Variants in INTS7 observed in about 807,000 individuals in gnomAD.
The protein encoded by INTS7 is chromosome 1 open reading frame 73.
Under a neutral mutation model 109.2 loss-of-function variants are expected in INTS7, and 46 were observed. The ratio of observed to expected loss-of-function variants is 0.42; its 90% CI spans 0.33 to 0.54. The LOEUF is 0.54. INTS7 is among the 20% of genes least tolerant of loss of function. INTS7 has a pLI of 0.07. For missense variants in INTS7, 929 were observed against 1,132.4 expected, an observed-to-expected ratio of 0.82 and a Z score of 2.58; for synonymous variants, 412 against 402.9, an observed-to-expected ratio of 1.02 and a Z score of -0.27.
intron 5 of INTS7, 136 bp from the exon 6 acceptor site, chr1:212,007,585 T>C: frequency 1.6e-6 from 1 of 615,822 alleles, no homozygotes; most frequent in South Asian, 2.0e-5. Flanking sequence ...CATTAAAGAT[T>C]ATACTAGAAC....
Position 212,035,449 on chromosome 1 carries a change from T to C in INTS7, c.-12A>G. ...GAGTTTGACGCCATGACCCGAATAG[T>C]TACTCGACTAGCCTAGTCAGAAAGC... On this transcript the variant is annotated 5_prime_UTR_variant, in exon 1 of 20. Transcript: ENST00000366994. The C allele has an allele frequency of 6.3e-7, 1 of 1,589,818 alleles. No homozygotes were observed. The highest frequency in any genetic ancestry group is 8.6e-7 in the Non-Finnish European group (1 of 1,157,966).
At chr1:211,988,674 C>A (rs2102439387) in intron 7 of INTS7, among the ~76,000 whole-genome samples, 1 of 152,198 alleles carries the variant, frequency 6.6e-6, no homozygotes, top group Non-Finnish European at 1.5e-5. Flanking sequence ...TGTGGGAACC[C>A]TGTGTACTAT....
chr1:212,017,191 G>A (rs1362779722), intron 3 of INTS7, among the ~76,000 whole-genome samples, 168 bp from the exon 4 acceptor site: 5 of 152,038 alleles, frequency 3.3e-5, no homozygotes, highest in Non-Finnish European at 7.4e-5. Context: ...AATTTTAAAC[G>A]CTTTTACATA....
chr1:212,030,754 G>A (rs939838660), intron 1 of INTS7: 1 of 152,182 alleles, frequency 6.6e-6, no homozygotes, highest in Non-Finnish European at 1.5e-5. Flanking sequence ...AAATCTGGCT[G>A]CTGAGGCCTT....
chr1:212,015,319 T>C (rs556176368), intron 4 of INTS7, among the ~76,000 whole-genome samples: 2 of 152,136 alleles, frequency 1.3e-5, no homozygotes, highest in African/African-American at 4.8e-5. Flanking sequence ...TGTGTCTGTG[T>C]AGAAAGAAGT....
At chr1:212,002,459 A>G (rs1301022635) in intron 7 of INTS7, among the ~76,000 whole-genome samples, 1 of 152,212 alleles carries the variant, frequency 6.6e-6, no homozygotes, top group Non-Finnish European at 1.5e-5. Flanking sequence ...GTCCTTAAGA[A>G]GGACTCAAAG....
At chr1:212,034,913 A>G (rs770378719) in intron 1 of INTS7, among the ~76,000 whole-genome samples, 4 of 152,238 alleles carry the variant, frequency 2.6e-5, no homozygotes, top group Non-Finnish European at 5.9e-5. Context: ...ACCCGCAGGT[A>G]ACAGAGCTAT....
At chr1:211,996,972 C>T (rs1022258593) in intron 7 of INTS7, among the ~76,000 whole-genome samples, 42 of 151,610 alleles carry the variant, frequency 2.8e-4, no homozygotes, top group African/African-American at 9.4e-4. Context: ...TGCAAAGAGC[C>T]GTGATCGCAC....
chr1:212,006,995 CT>C (rs879673732), intron 6 of INTS7, among the ~76,000 whole-genome samples: 302 of 143,286 alleles, frequency 2.1e-3, no homozygotes, highest in Admixed American at 2.1e-3. Context: ...TCAATCCTTT[CT>C]TTTTTTTTTT....
intron 14 of INTS7, 59 bp from the exon 15 acceptor site, chr1:211,968,040 C>A: frequency 1.1e-6 from 1 of 888,400 alleles, no homozygotes; most frequent in East Asian, 2.8e-5. Flanking sequence ...ATAAACAACA[C>A]AAAAACCAAA....
intron 3 of INTS7, among the ~76,000 whole-genome samples, chr1:212,018,142 A>G (rs1666522207): frequency 6.6e-6 from 1 of 152,154 alleles, no homozygotes; most frequent in Non-Finnish European, 1.5e-5. Flanking sequence ...TTTTTATTTT[A>G]CTACTCTTTT....
At chr1:212,019,635 C>G (rs1558057217) in intron 3 of INTS7, among the ~76,000 whole-genome samples, 2 of 151,986 alleles carry the variant, frequency 1.3e-5, no homozygotes, top group African/African-American at 4.8e-5. Flanking sequence ...GAAATTCTAA[C>G]AAATAAATTT....
chr1:211,965,835 T>C (rs1027794328), intron 16 of INTS7, among the ~76,000 whole-genome samples: 2 of 152,056 alleles, frequency 1.3e-5, no homozygotes, highest in East Asian at 1.9e-4. Context: ...AAAATAACTA[T>C]TGGGTACTAA....
At position 211,981,061 on chromosome 1, in the gene INTS7, T is replaced by C. The variant is rs554056678; in HGVS notation, c.1230+32A>G. The C allele has an allele frequency of 1.5e-6, 2 of 1,335,668 alleles. No individual in the cohort carries two copies. Among genetic ancestry groups the C allele is most frequent in the East Asian group, 4.6e-5 (2 of 43,348 alleles). 82.7% of individuals were successfully genotyped at this position (1,335,668 alleles called of 1,614,324 possible). On this transcript the variant is annotated intron_variant, in intron 10 of 19. Coordinates refer to ENST00000366994, the MANE Select transcript of INTS7 (RefSeq NM_015434.4). ...CTATTGCCTAAGACCATCATATATA[T>C]CTATTACAACTTAATAAATAAAAGT...
intron 7 of INTS7, among the ~76,000 whole-genome samples, chr1:211,994,978 C>A (rs1665316595): frequency 6.6e-6 from 1 of 151,474 alleles, no homozygotes; most frequent in Non-Finnish European, 1.5e-5. Context: ...AAAAAAGAAA[C>A]TTCATAGTAT....
intron 13 of INTS7, among the ~76,000 whole-genome samples, chr1:211,974,544 T>C (rs923882777): frequency 6.6e-6 from 1 of 152,026 alleles, no homozygotes; most frequent in African/African-American, 2.4e-5. Flanking sequence ...ATATAACTTC[T>C]TTACTTTTAA....
chr1:211,989,296 T>C lies in INTS7; in HGVS notation c.880-1293A>G, dbSNP rs773350238. 6.6e-5 allele frequency among the ~76,000 whole-genome samples: 10 copies of C among 151,562 alleles called. No individual in the cohort carries two copies. The East Asian group carries it at 9.7e-4, about 15-fold the overall frequency. On this transcript the variant is annotated intron_variant, in intron 7 of 19. Transcript: ENST00000366994. The stretch of plus-strand genomic sequence containing the variant: ...TATACTAGAATTTAATATATGATAA[T>C]GGCATTTTAAATTAAAGATACCAGT...
chr1:211,982,197 G>C (rs1268381335), intron 9 of INTS7, among the ~76,000 whole-genome samples: 1 of 152,192 alleles, frequency 6.6e-6, no homozygotes, highest in Non-Finnish European at 1.5e-5. Context: ...CCTTGATTAT[G>C]CAAGTCAGTT....
chr1:211,974,276 A>AATATATAT (rs58474002), intron 13 of INTS7, among the ~76,000 whole-genome samples: 48 of 92,314 alleles, frequency 5.2e-4, no homozygotes, highest in Middle Eastern at 7.5e-3. Context: ...AGAAAAAAAA[A>AATATATAT]ATATATATAT....
Sources: gnomAD v4.1 joint callset for allele counts (sites outside exome capture counted in the v4.1 genomes callset) on GRCh38, gnomAD v4.1.1 for gene constraint, MANE v1.5 for transcripts, NCBI Gene and HGNC (gene_info 2026-07-23, HGNC 2026-07-21) for gene names.